The following VRK3 variants were observed in gnomAD, a reference collection of about 807,000 sequenced individuals.
VRK3 encodes VRK serine/threonine kinase 3, also known as serine/threonine-protein kinase VRK3.
VRK3 carries 50 observed loss-of-function variants against 60.4 expected under a neutral mutation model. The ratio of observed to expected loss-of-function variants is 0.83; its 90% CI spans 0.66 to 1.05. VRK3 has a LOEUF of 1.05. Among genes scored for constraint, VRK3 ranks in the 50% least tolerant of loss-of-function variants. VRK3 has a pLI of 0.00. For synonymous variants in VRK3, 246 were observed against 227.8 expected (o/e 1.08, Z -0.72); for missense variants, 549 against 585.3 (o/e 0.94, Z 0.64).
intron 3 of VRK3, among the ~76,000 whole-genome samples, chr19:50,014,673 G>A (rs996257819): frequency 1.3e-5 from 2 of 152,208 alleles, no homozygotes; most frequent in Non-Finnish European, 2.9e-5. Context: ...AGCGGCAAGC[G>A]CACAGGCTGA....
At chr19:49,994,381 T>C (rs1039455087) in intron 9 of VRK3, among the ~76,000 whole-genome samples, 23 of 152,224 alleles carry the variant, frequency 1.5e-4, no homozygotes, top group Non-Finnish European at 2.9e-5. Context: ...GAATATTTAA[T>C]GGGGATGAAT....
At chr19:50,013,110 T>C (rs1322565268) in intron 3 of VRK3, among the ~76,000 whole-genome samples, 1 of 151,996 alleles carries the variant, frequency 6.6e-6, no homozygotes, top group Non-Finnish European at 1.5e-5. Flanking sequence ...GAGCTTGCAG[T>C]GAGCCAAGAT....
chr19:49,988,434 G>A lies in VRK3; in HGVS notation c.1155C>T (p.Tyr385=), dbSNP rs144318426. The A allele has an allele frequency of 9.3e-6, 15 of 1,613,584 alleles. No individual in the cohort carries two copies. The highest frequency in any genetic ancestry group is 8.3e-5 in the Admixed American group (5 of 59,998). The change falls in exon 12 of 15, where the codon TAC becomes TAT. Residue 385 remains tyrosine (Y), a synonymous_variant. Coordinates refer to ENST00000316763, the MANE Select transcript of VRK3 (RefSeq NM_016440.4). ...SLGYCMLKWL[Y]GFLPWTNCLP... is the part of the protein sequence containing the mutation. ...GGCAATTTGTCCATGGCAGAAACCC[G>A]TAGAGCCACTTCAGCATGCAGTAGC...
intron 4 of VRK3, 112 bp from the exon 5 acceptor site, chr19:50,007,938 A>T: frequency 2.1e-6 from 3 of 1,460,308 alleles, no homozygotes; most frequent in Non-Finnish European, 2.8e-6. Context: ...TCATTCAACA[A>T]ACATTTCCTG....
intron 14 of VRK3, among the ~76,000 whole-genome samples, chr19:49,977,102 A>C (rs2076343503): frequency 6.6e-6 from 1 of 152,136 alleles, no homozygotes; most frequent in African/African-American, 2.4e-5. Flanking sequence ...GGGTCTTGAG[A>C]AGCAGCAGGT....
At position 50,011,758 on chromosome 19, in the gene VRK3, C is replaced by G. The variant is rs539243786; in HGVS notation, c.140-2373G>C. Among the ~76,000 whole-genome samples the G allele has an allele frequency of 1.4e-3, 208 of 147,830 alleles. 1 individual carries two copies. Among genetic ancestry groups the G allele is most frequent in the African/African-American group, 5.0e-3 (194 of 38,608 alleles). ...GTGTAGTTAAAACCAAACTCCCTCC[C>G]GTGGTCCTGCCTGTCTTCCCCCAGG... On this transcript the variant is annotated intron_variant, in intron 3 of 14. Transcript: ENST00000316763.
intron 12 of VRK3, chr19:49,986,808 G>A (rs768353665): frequency 7.9e-5 from 12 of 152,174 alleles, no homozygotes; most frequent in East Asian, 5.8e-4. Flanking sequence ...TGATGGCTCC[G>A]GAGATATTCC....
chr19:49,977,263 G>A (rs1372067712), intron 14 of VRK3, among the ~76,000 whole-genome samples: 3 of 152,104 alleles, frequency 2.0e-5, no homozygotes, highest in South Asian at 2.1e-4. Context: ...GCTCGGCCTC[G>A]GGCCAAGGCA....
In VRK3 at chr19:50,016,024, C is replaced by T; in HGVS notation, c.139G>A (p.Gly47Ser). Reference protein sequence around the residue: ...FVNPHVSSFQGSKRGLNSSFE... With the variant: ...FVNPHVSSFQSSKRGLNSSFE... The stretch of plus-strand genomic sequence containing the variant: ...ACAGGCTCAATGCTCTGGTTCTTAC[C>T]TTGGAAGGATGACACATGTGGATTG... The change falls in exon 3 of 15, where the codon GGC becomes AGC. Residue 47 changes from glycine (G) to serine (S), a missense_variant and splice_region_variant. By Grantham distance (56) the Gly-to-Ser change is moderately conservative (BLOSUM62 0). Coordinates refer to ENST00000316763, the MANE Select transcript of VRK3 (RefSeq NM_016440.4). The T allele has an allele frequency of 6.2e-7, 1 of 1,614,126 alleles. No homozygotes were observed. Among genetic ancestry groups the T allele is most frequent in the Non-Finnish European group, 8.5e-7 (1 of 1,180,006 alleles).
At chr19:50,020,712 A>C (rs1277440428) in intron 1 of VRK3, 65 bp from the exon 2 acceptor site, 1 of 152,208 alleles carries the variant, frequency 6.6e-6, no homozygotes, top group Non-Finnish European at 1.5e-5. Flanking sequence ...GATAATGGCT[A>C]ATGTTTACTG....
rs1355814426 is a variant in VRK3 at position 50,000,772 on chromosome 19, A to T, written c.612+18T>A. 6.2e-7 allele frequency: 1 copy of T among 1,607,792 alleles called. No individual in the cohort carries two copies. The highest frequency in any genetic ancestry group is 1.1e-5 in the South Asian group (1 of 89,682). Reference sequence around the variant, plus strand: ...GTCCCTCCCCTCCAAGCTGCCCCCCACCTGCAGGGTCACTTACCAGTTTGA... The same window carrying T: ...GTCCCTCCCCTCCAAGCTGCCCCCCTCCTGCAGGGTCACTTACCAGTTTGA... On this transcript the variant is annotated intron_variant, in intron 6 of 14. Transcript: ENST00000316763.
intron 10 of VRK3, 81 bp from the exon 11 acceptor site, chr19:49,989,852 A>G: frequency 1.4e-6 from 2 of 1,453,616 alleles, no homozygotes; most frequent in East Asian, 2.4e-5. Flanking sequence ...TGCAAGTGAC[A>G]ACAAACATTC....
rs754926551 is a variant in VRK3 at position 50,007,677 on chromosome 19, TG to T, written c.438del (p.Thr147ProfsTer12). On this transcript the variant is annotated frameshift_variant, in exon 5 of 15. Transcript: ENST00000316763. LOFTEE classifies it high-confidence loss of function. ...SPQTLKRSRVTTSLEALPTGT... is the reference protein window; with the variant it reads ...SPQTLKRSRVXTSLEALPTGT... ...CCTGTGGGCAAAGCTTCAAGTGAGG[TG>T]GTCACTCGGCTCCGCTTCAGCGTCT... 3.1e-5 allele frequency: 50 copies of T among 1,613,958 alleles called. No homozygotes were observed. Among genetic ancestry groups the T allele is most frequent in the South Asian group, 1.1e-5 (1 of 91,080 alleles).
At position 50,018,015 on chromosome 19, in the gene VRK3, C is replaced by T. The variant is rs191137292; in HGVS notation, c.-1-1852G>A. On this transcript the variant is annotated intron_variant, in intron 2 of 14. Coordinates refer to ENST00000316763, the MANE Select transcript of VRK3 (RefSeq NM_016440.4). ...CTTTATTCACTGTAAAGGCTGGCTT[C>T]TGTTGCAAATGCAAACAGTGGAGTC... Among the ~76,000 whole-genome samples the T allele has an allele frequency of 6.8e-3, 1,030 of 152,304 alleles. 11 individuals are homozygous for T. The highest frequency in any genetic ancestry group is 0.016 in the South Asian group (77 of 4,826).
At position 49,992,888 on chromosome 19, in the gene VRK3, A is replaced by G. The variant is rs146530148; in HGVS notation, c.935T>C (p.Ile312Thr). 32 of 1,613,958 alleles carry G rather than the reference A, an allele frequency of 2.0e-5. No individual in the cohort carries two copies. In the African/African-American group the frequency reaches 3.1e-4, roughly 15 times the overall value. Residue 312 changes from isoleucine to threonine, a missense_variant, in exon 10 of 15, where the codon ATC becomes ACC. Transcript: ENST00000316763. The stretch of plus-strand genomic sequence containing the variant: ...ACTCTGGTCCTCTGGATCCACAAAG[A>G]TATTTTCAGCTGTCACATTTCCATG... ...YVHGNVTAEN[I>T]FVDPEDQSQV...
At position 49,994,701 on chromosome 19, in the gene VRK3, G is replaced by C. The variant is rs1338389740; in HGVS notation, c.870+113C>G. ...ATGGCAGTCAGTGAGCCAGCCCCCAGTGTGCAGCGGAGGGGGGTGGGGGCC... is the reference window on the plus strand; with the variant it reads ...ATGGCAGTCAGTGAGCCAGCCCCCACTGTGCAGCGGAGGGGGGTGGGGGCC... On this transcript the variant is annotated intron_variant, in intron 9 of 14. Transcript: ENST00000316763. The C allele has an allele frequency of 4.3e-6, 4 of 923,114 alleles. No individual in the cohort carries two copies. The East Asian group carries it at 7.9e-5, about 18-fold the overall frequency. The allele number at this position is 923,114 out of a possible 1,614,324, so 57.2% of individuals were successfully genotyped here.
At chr19:49,979,813 G>C (rs1198212745) in intron 13 of VRK3, among the ~76,000 whole-genome samples, 2 of 152,100 alleles carry the variant, frequency 1.3e-5, no homozygotes, top group East Asian at 3.9e-4. Flanking sequence ...GGAGGCAGAG[G>C]CGGGTGGATC....
At chr19:50,015,078 C>A (rs2077053671) in intron 3 of VRK3, among the ~76,000 whole-genome samples, 1 of 151,980 alleles carries the variant, frequency 6.6e-6, no homozygotes, top group South Asian at 2.1e-4. Context: ...AGGGTCCGGC[C>A]TGGGAAACTG....
At chr19:49,978,780 T>A in intron 14 of VRK3, 1 of 257,978 alleles carries the variant, frequency 3.9e-6, no homozygotes, top group Non-Finnish European at 7.4e-6. Flanking sequence ...ACAAACAACG[T>A]CTTGATGCTA....
Sources: allele counts gnomAD v4.1 joint callset (sites outside exome capture counted in the v4.1 genomes callset), GRCh38; gene constraint gnomAD v4.1.1; transcripts MANE v1.5; gene names NCBI Gene and HGNC (gene_info 2026-07-23, HGNC 2026-07-21).